The following TEP1 variants were observed in gnomAD, a reference collection of about 807,000 sequenced individuals.
TEP1 encodes telomerase associated protein 1.
A neutral mutation model predicts 306.3 loss-of-function variants in TEP1; 241 were observed. The ratio of observed to expected loss-of-function variants is 0.79; its 90% confidence interval spans 0.71 to 0.88. TEP1 has a LOEUF of 0.88. TEP1 is among the 40% of genes least tolerant of loss of function. The pLI, the probability that TEP1 is intolerant of heterozygous loss-of-function variation, is 0.00. For missense variants in TEP1, 3,051 were observed against 3,276.1 expected (o/e 0.93, Z 1.68); for synonymous variants, 1,289 against 1,305.5 (o/e 0.99, Z 0.27).
In TEP1 at chr14:20,371,237, G is replaced by A. The variant is rs762480078; in HGVS notation, c.7298C>T (p.Pro2433Leu). Residue 2433 changes from proline to leucine, a missense_variant, in exon 51 of 55, where the codon CCT becomes CTT. Pro to Leu is a moderately conservative substitution (Grantham distance 98). Around this residue, in one of 3 missense-constraint regions of TEP1, gnomAD observed 1,540 missense variants for 1,705.9 expected, o/e 0.90. Transcript: ENST00000262715. Reference sequence around the variant, plus strand: ...ACTTACCAAGAAAGAAAGAACTCCAGGATCCTTGGGCTGCAGGACAAATAT... The same window carrying A: ...ACTTACCAAGAAAGAAAGAACTCCAAGATCCTTGGGCTGCAGGACAAATAT... ...YGIFVLQPKDPGVLSFLRQKE... is the reference protein window; with the variant it reads ...YGIFVLQPKDLGVLSFLRQKE... The A allele has an allele frequency of 9.3e-6, 15 of 1,614,096 alleles. No homozygotes were observed. In the South Asian group the frequency reaches 1.6e-4, roughly 18 times the overall value.
At chr14:20,396,064 C>A in intron 10 of TEP1, 115 bp from the exon 11 acceptor site, 3 of 632,664 alleles carry the variant, frequency 4.7e-6, no homozygotes, top group South Asian at 2.7e-5. Flanking sequence ...TGAACTTAGA[C>A]AAGAGATATA....
At chr14:20,403,243 A>G (rs1300752646) in intron 7 of TEP1, 134 bp downstream of exon 7, 7 of 1,104,902 alleles carry the variant, frequency 6.3e-6, no homozygotes, top group Non-Finnish European at 7.8e-6. Context: ...CAGTGCTCTC[A>G]GAACCTTACC....
rs769064357 is a variant in TEP1 at position 20,395,810 on chromosome 14, A to G, written c.1750+49T>C. 16 of 1,576,762 alleles carry G rather than the reference A, an allele frequency of 1.0e-5. No individual in the cohort carries two copies. The Admixed American group carries it at 2.5e-4, about 25-fold the overall frequency. ...AAATATTGGTGCTGCTGCTTCATTT[A>G]TTGTCAGATGTGGGAGGCAAAGAGG... is the stretch of plus-strand genomic sequence containing the variant. On this transcript the variant is annotated intron_variant, in intron 11 of 54. Transcript: ENST00000262715.
At chr14:20,387,880 CA>C (rs1474981082) in intron 18 of TEP1, 24 bp downstream of exon 18, 1 of 1,560,836 alleles carries the variant, frequency 6.4e-7, no homozygotes, top group East Asian at 2.3e-5. Flanking sequence ...TCCCAATTCA[CA>C]AAGGCATAGA....
intron 27 of TEP1, 34 bp downstream of exon 27, chr14:20,383,140 C>G: frequency 6.4e-7 from 1 of 1,553,690 alleles, no homozygotes; most frequent in Non-Finnish European, 8.7e-7. Context: ...CAGATTCACC[C>G]CACACACCCA....
At position 20,380,374 on chromosome 14, in the gene TEP1, G is replaced by A. The variant is rs545484986; in HGVS notation, c.4864C>T (p.Arg1622Trp). The A allele has an allele frequency of 5.5e-5, 89 of 1,614,168 alleles. No homozygotes were observed. In the South Asian group the frequency reaches 6.1e-4, roughly 11 times the overall value. The change falls in exon 34 of 55, where the codon CGG becomes TGG. Residue 1622 changes from arginine (R) to tryptophan (W), a missense_variant. Physicochemically the swap from Arg to Trp is moderately radical, Grantham distance 101. This residue lies in a region of TEP1 where 1,540 missense variants were observed against 1,705.9 expected (regional missense o/e 0.90). Transcript: ENST00000262715. ...QQASILSQYP[R>W]LLPQQAANQP... ...TTGGCTGCCTGCTGGGGCAGGAGCCGGGGGTACTGGCTGAGGATTGAAGCC... is the reference window on the plus strand; with the variant it reads ...TTGGCTGCCTGCTGGGGCAGGAGCCAGGGGTACTGGCTGAGGATTGAAGCC...
In TEP1 at chr14:20,381,046, C is replaced by T. The variant is rs202085878; in HGVS notation, c.4648-1G>A. On this transcript the variant is annotated splice_acceptor_variant, in intron 32 of 54. Transcript: ENST00000262715. LOFTEE classifies it high-confidence loss of function. The surrounding 1 kb of genome is among the most constrained non-coding windows in gnomAD (Gnocchi z 4.0). ...GAAGTCCACGGTTCCCGCTCTGGAG[C>T]TGAGAAGGTCAGATTGAATTCATTA... is the stretch of plus-strand genomic sequence containing the variant. The T allele has an allele frequency of 1.2e-6, 2 of 1,613,082 alleles. No individual in the cohort carries two copies. Among genetic ancestry groups the T allele is most frequent in the Non-Finnish European group, 1.7e-6 (2 of 1,179,106 alleles).
intron 51 of TEP1, 91 bp from the exon 52 acceptor site, chr14:20,369,870 G>T: frequency 3.1e-6 from 3 of 954,982 alleles, no homozygotes; most frequent in South Asian, 1.6e-5. Context: ...GGCTGGTCAG[G>T]AATTTTTTTT....
intron 9 of TEP1, among the ~76,000 whole-genome samples, chr14:20,400,167 T>C (rs189249561): frequency 0.01 from 1,462 of 144,508 alleles, 15 homozygotes; most frequent in Non-Finnish European, 0.016. Flanking sequence ...AAAAAAGAAT[T>C]ATCTACATAT....
chr14:20,372,716 C>T lies in TEP1; in HGVS notation c.7076+17G>A. Reference sequence around the variant, plus strand: ...AGACTGCTGTTTCTATCCCATTAACCCATCAGCCTGTTTCACCTCAAATTT... The same window carrying T: ...AGACTGCTGTTTCTATCCCATTAACTCATCAGCCTGTTTCACCTCAAATTT... On this transcript the variant is annotated intron_variant, in intron 49 of 54. Coordinates refer to ENST00000262715, the MANE Select transcript of TEP1 (RefSeq NM_007110.5). The T allele has an allele frequency of 1.2e-6, 2 of 1,613,978 alleles. No individual in the cohort carries two copies. Among genetic ancestry groups the T allele is most frequent in the East Asian group, 2.2e-5 (1 of 44,872 alleles).
chr14:20,386,272 CG>C lies in TEP1; in HGVS notation c.2862-78del. On this transcript the variant is annotated intron_variant, in intron 19 of 54. Coordinates refer to ENST00000262715, the MANE Select transcript of TEP1 (RefSeq NM_007110.5). Reference sequence around the variant, plus strand: ...GGGAACATAGGCACAAACAGGGAGACGGGGCCCTGACTCGCAACTGAGTAAA... The same window carrying C: ...GGGAACATAGGCACAAACAGGGAGACGGGCCCTGACTCGCAACTGAGTAAA... 3.1e-6 allele frequency: 5 copies of C among 1,604,044 alleles called. No individual in the cohort carries two copies. The South Asian group carries it at 5.6e-5, about 18-fold the overall frequency.
chr14:20,412,195 A>G (rs573537136), intron 1 of TEP1, among the ~76,000 whole-genome samples: 32 of 152,288 alleles, frequency 2.1e-4, no homozygotes, highest in Non-Finnish European at 2.8e-4. Flanking sequence ...TCTGTGCCCA[A>G]TACACTTTGC....
intron 15 of TEP1, 97 bp downstream of exon 15, chr14:20,390,584 G>T: frequency 8.5e-7 from 1 of 1,173,130 alleles, no homozygotes; most frequent in Non-Finnish European, 1.3e-6. Context: ...ATTGTATGTG[G>T]TTGGAGAAGT....
Position 20,368,779 on chromosome 14 carries a change from C to G in TEP1, c.7761+19G>C. The G allele has an allele frequency of 6.3e-7, 1 of 1,599,808 alleles. No individual in the cohort carries two copies. Among genetic ancestry groups the G allele is most frequent in the Non-Finnish European group, 8.6e-7 (1 of 1,167,780 alleles). ...GCAGGCGCACGCACACACACACACA[C>G]ACACACACACACACTTACCAGCTGC... On this transcript the variant is annotated intron_variant, in intron 54 of 54. Coordinates refer to ENST00000262715, the MANE Select transcript of TEP1 (RefSeq NM_007110.5).
At position 20,407,946 on chromosome 14, in the gene TEP1, C is replaced by T; in HGVS notation, c.494G>A (p.Gly165Glu). 6 of 1,614,160 alleles carry T rather than the reference C, an allele frequency of 3.7e-6. No homozygotes were observed. The highest frequency in any genetic ancestry group is 5.1e-6 in the Non-Finnish European group (6 of 1,180,028). Residue 165 changes from glycine (G) to glutamate (E), a missense_variant, in exon 2 of 55, where the codon GGA (glycine) becomes GAA (glutamate). Transcript: ENST00000262715. ...TATAGGGCAGGTTGAAAGGTCTAGT[C>T]CCTTAGAGAAATGCTGAGCCCTCCA... ...PSWRAQHFSK[G>E]LDLSTCPIAL...
intron 9 of TEP1, 190 bp downstream of exon 9, chr14:20,400,794 G>T: frequency 1.5e-6 from 1 of 650,814 alleles, no homozygotes; most frequent in South Asian, 2.3e-5. Context: ...GATCTATGAT[G>T]CCAACATTAC....
rs369383699 is a variant in TEP1 at position 20,389,612 on chromosome 14, G to T, written c.2463C>A (p.Tyr821Ter). 2 of 1,613,986 alleles carry T rather than the reference G, an allele frequency of 1.2e-6. No homozygotes were observed. The highest frequency in any genetic ancestry group is 2.7e-5 in the African/African-American group (2 of 74,920). ...GCAGGAAGTATAAGCACCCTTACAG[G>T]TATTGTACCCTTCTTAGGAGGATAC... ...FVGILLRRVQ[Y>*]LSTDLNPNDV... Residue 821 changes from tyrosine (Y) to a stop codon, truncating the protein, a stop_gained and splice_region_variant, in exon 16 of 55, where the codon TAC becomes TAA. Transcript: ENST00000262715. LOFTEE classifies it high-confidence loss of function.
At chr14:20,401,661 G>A in intron 7 of TEP1, 80 bp from the exon 8 acceptor site, 1 of 1,562,232 alleles carries the variant, frequency 6.4e-7, no homozygotes, top group Non-Finnish European at 8.7e-7. Context: ...CAGATTGTAA[G>A]ACCATCCGAT....
chr14:20,403,314 CG>C lies in TEP1; in HGVS notation c.1266+62del, dbSNP rs1261852754. 26 of 1,572,600 alleles carry C rather than the reference CG, an allele frequency of 1.7e-5. No homozygotes were observed. In the East Asian group the frequency reaches 5.6e-4, roughly 34 times the overall value. Reference sequence around the variant, plus strand: ...TTTTCAACCCTAATAGAATTTTGTTCGTAAATATTAGTCCAGAAGAGATTGT... The same window carrying C: ...TTTTCAACCCTAATAGAATTTTGTTCTAAATATTAGTCCAGAAGAGATTGT... On this transcript the variant is annotated intron_variant, in intron 7 of 54. Transcript: ENST00000262715.
Sources: allele counts gnomAD v4.1 joint callset (sites outside exome capture counted in the v4.1 genomes callset), GRCh38; gene constraint gnomAD v4.1.1; regional missense constraint gnomAD v4.1.1; non-coding constraint Gnocchi (gnomAD v3.1); transcripts MANE v1.5; gene names NCBI Gene and HGNC (gene_info 2026-07-23, HGNC 2026-07-21).